TMEM39A: variants seen among roughly 807,000 people sequenced by gnomAD.
The protein encoded by TMEM39A is transmembrane protein 39A.
A neutral mutation model predicts 51.9 loss-of-function variants in TMEM39A; 19 were observed. That is an observed-to-expected ratio of 0.37 (90% CI 0.26 to 0.54). The LOEUF is 0.54. Ranked by LOEUF, TMEM39A falls within the 20% of genes least tolerant of loss-of-function variation. The pLI, the probability that TMEM39A is intolerant of heterozygous loss-of-function variation, is 0.88. For synonymous variants in TMEM39A, 197 were observed against 220.2 expected, an observed-to-expected ratio of 0.89 and a Z score of 0.93; for missense variants, 433 against 590.5, an observed-to-expected ratio of 0.73 and a Z score of 2.76.
At chr3:119,442,168 C>T (rs1269159854) in intron 5 of TMEM39A, among the ~76,000 whole-genome samples, 1 of 152,030 alleles carries the variant, frequency 6.6e-6, no homozygotes, top group African/African-American at 2.4e-5. Context: ...TAGCGAAACC[C>T]CGACTCTACT....
At chr3:119,457,367 C>T (rs114558494) in intron 3 of TMEM39A, among the ~76,000 whole-genome samples, 1,554 of 152,342 alleles carry the variant, frequency 0.01, 13 homozygotes, top group Middle Eastern at 0.024. Flanking sequence ...AATTTCACTT[C>T]CCAATTTCCC....
chr3:119,432,953 A>G (rs988304420), intron 8 of TMEM39A, among the ~76,000 whole-genome samples: 6 of 152,156 alleles, frequency 3.9e-5, no homozygotes, highest in Non-Finnish European at 7.4e-5. Flanking sequence ...TACTCCCACT[A>G]AATTCTCCAC....
At chr3:119,461,723 A>G (rs144310596) in intron 2 of TMEM39A, among the ~76,000 whole-genome samples, 160 of 152,350 alleles carry the variant, frequency 1.1e-3, no homozygotes, top group Admixed American at 2.0e-3. Context: ...GGATAACAAG[A>G]ATTTAGATGA....
At chr3:119,450,935 G>A (rs2081190268) in intron 4 of TMEM39A, among the ~76,000 whole-genome samples, 2 of 150,718 alleles carry the variant, frequency 1.3e-5, no homozygotes, top group South Asian at 4.2e-4. Flanking sequence ...GCAGCAACAA[G>A]GTAGAAATCC....
At chr3:119,435,038 A>G (rs1397622384) in intron 7 of TMEM39A, 156 bp from the exon 8 acceptor site, 1 of 942,016 alleles carries the variant, frequency 1.1e-6, no homozygotes, top group African/African-American at 1.8e-5. Context: ...AAACTGGAGT[A>G]GTTTTAGAAA....
intron 5 of TMEM39A, among the ~76,000 whole-genome samples, chr3:119,439,908 C>T (rs113220890): frequency 0.13 from 20,072 of 152,040 alleles, 1,423 homozygotes; most frequent in South Asian, 0.18. Context: ...GCTAGGACTA[C>T]AGGCGCATGC....
At chr3:119,441,405 C>CTGCTGATATGGAGAAAGTTT (rs2081052025) in intron 5 of TMEM39A, among the ~76,000 whole-genome samples, 1 of 152,198 alleles carries the variant, frequency 6.6e-6, no homozygotes, top group Non-Finnish European at 1.5e-5. Flanking sequence ...AACAGCCTCA[C>CTGCTGATATGGAGAAAGTTT]TGCTGATATG....
chr3:119,437,768 A>G lies in TMEM39A; in HGVS notation c.911T>C (p.Leu304Pro). ...ATAACCACTTACCTTCACAAAACAC[A>G]GGGGGAGAAATGCAACATAGTAGGC... ...FSAYYVAFLP[L>P]CFVKSTQYYD... The change falls in exon 6 of 9, where the codon CTG becomes CCG. Residue 304 changes from leucine (L) to proline (P), a missense_variant. Physicochemically the swap from Leu to Pro is moderately conservative, Grantham distance 98. Coordinates refer to ENST00000319172, the MANE Select transcript of TMEM39A (RefSeq NM_018266.3). The G allele has an allele frequency of 6.5e-7, 1 of 1,546,736 alleles. No homozygotes were observed.
chr3:119,458,995 G>A (rs563219519), intron 2 of TMEM39A, among the ~76,000 whole-genome samples: 1 of 152,334 alleles, frequency 6.6e-6, no homozygotes, highest in South Asian at 2.1e-4. Flanking sequence ...CATGTGAAGT[G>A]CTACTCATCC....
intron 3 of TMEM39A, among the ~76,000 whole-genome samples, chr3:119,454,054 G>A (rs760819503): frequency 1.3e-5 from 2 of 152,142 alleles, no homozygotes; most frequent in Non-Finnish European, 2.9e-5. Context: ...AAGGGCCCCA[G>A]ACAGAAGAAA....
chr3:119,447,254 G>C, intron 4 of TMEM39A, 82 bp from the exon 5 acceptor site: 1 of 1,385,132 alleles, frequency 7.2e-7, no homozygotes, highest in South Asian at 1.4e-5. Context: ...GAACTTAATA[G>C]GTTTAGTGGA....
chr3:119,462,141 T>A lies in TMEM39A; in HGVS notation c.-67A>T. ...ACCCAGGTTAATGGTTGTCAACCAG[T>A]TTCAACTCTGAACGACAACAAAAAC... On this transcript the variant is annotated 5_prime_UTR_variant, in exon 2 of 9. Coordinates refer to ENST00000319172, the MANE Select transcript of TMEM39A (RefSeq NM_018266.3). 8.0e-7 allele frequency: 1 copy of A among 1,243,526 alleles called. No homozygotes were observed. Among genetic ancestry groups the A allele is most frequent in the Non-Finnish European group, 1.2e-6 (1 of 861,332 alleles). 77.0% of individuals were successfully genotyped at this position (1,243,526 alleles called of 1,614,324 possible). A position where few individuals can be genotyped will look rare whatever the true frequency, so the allele number is the denominator to read the frequency against.
At chr3:119,444,975 G>C (rs1043173100) in intron 5 of TMEM39A, among the ~76,000 whole-genome samples, 2 of 152,128 alleles carry the variant, frequency 1.3e-5, no homozygotes, top group Non-Finnish European at 2.9e-5. Flanking sequence ...AACTACTTGG[G>C]AGGCTGAGGT....
At chr3:119,435,982 G>T in intron 7 of TMEM39A, 1 of 1,261,624 alleles carries the variant, frequency 7.9e-7, no homozygotes, top group Non-Finnish European at 1.0e-6. Context: ...ACTCTCAGGG[G>T]GAGAGGGAAA....
intron 2 of TMEM39A, among the ~76,000 whole-genome samples, chr3:119,461,715 A>G (rs1417699200): frequency 2.0e-5 from 3 of 152,296 alleles, no homozygotes; most frequent in Non-Finnish European, 4.4e-5. Flanking sequence ...TAAAAAGGGG[A>G]TAACAAGAAT....
rs1560006836 is a variant in TMEM39A, at chr3:119,432,228, A to T, written c.1234-14T>A. 6.4e-7 allele frequency: 1 copy of T among 1,563,060 alleles called. No homozygotes were observed. The highest frequency in any genetic ancestry group is 8.7e-7 in the Non-Finnish European group (1 of 1,144,656). ...ATGAAATAAGAACTGTAAGGAAGTTAAAAAAGTAAAACATTATTTCATAGA... is the reference window on the plus strand; with the variant it reads ...ATGAAATAAGAACTGTAAGGAAGTTTAAAAAGTAAAACATTATTTCATAGA... On this transcript the variant is annotated splice_polypyrimidine_tract_variant and intron_variant, in intron 8 of 8. Transcript: ENST00000319172.
intron 4 of TMEM39A, among the ~76,000 whole-genome samples, chr3:119,449,980 G>A (rs1056925265): frequency 6.6e-6 from 1 of 152,090 alleles, no homozygotes; most frequent in Non-Finnish European, 1.5e-5. Context: ...CTTTCTCAGG[G>A]TAGGGATCCT....
In TMEM39A at chr3:119,442,059, G is replaced by A. The variant is rs547019616; in HGVS notation, c.576-3956C>T. Among the ~76,000 whole-genome samples the A allele has an allele frequency of 8.5e-5, 13 of 152,254 alleles. No homozygotes were observed. The South Asian group carries it at 1.2e-3, about 15-fold the overall frequency. On this transcript the variant is annotated intron_variant, in intron 5 of 8. Coordinates refer to ENST00000319172, the MANE Select transcript of TMEM39A (RefSeq NM_018266.3). ...AGATTCCTTTAAAAATATTATGTAC[G>A]GCTGGGTGCGGTGGCTCACGCCTGT...
intron 5 of TMEM39A, among the ~76,000 whole-genome samples, chr3:119,444,936 G>A (rs758332430): frequency 3.9e-4 from 59 of 152,160 alleles, no homozygotes; most frequent in Non-Finnish European, 7.1e-4. Flanking sequence ...AAAAATTAGC[G>A]GGGCATGGTG....
Sources: allele counts gnomAD v4.1 joint callset (sites outside exome capture counted in the v4.1 genomes callset), GRCh38; gene constraint gnomAD v4.1.1; transcripts MANE v1.5; gene names NCBI Gene and HGNC (gene_info 2026-07-23, HGNC 2026-07-21).